Variants in LRBA observed in about 807,000 individuals in gnomAD.
The protein encoded by LRBA is lipopolysaccharide-responsive and beige-like anchor protein.
LRBA carries 176 observed loss-of-function variants against 330.0 expected under a neutral mutation model. The ratio of observed to expected loss-of-function variants is 0.53; its 90% CI spans 0.47 to 0.60. LRBA has a LOEUF of 0.60. Ranked by LOEUF, LRBA falls within the 20% of genes least tolerant of loss-of-function variation. The pLI is 0.00. For synonymous variants in LRBA, 1,230 were observed against 1,193.0 expected (o/e 1.03, Z -0.64); for missense variants, 3,259 against 3,444.8 (o/e 0.95, Z 1.35).
intron 2 of LRBA, chr4:150,970,522 CTT>C (rs1491371540): frequency 6.8e-5 from 4 of 58,758 alleles, no homozygotes; most frequent in Admixed American, 2.4e-4. Context: ...ATAATATATA[CTT>C]GTGTGTGTGT....
chr4:150,747,594 T>C (rs150880326), intron 35 of LRBA, among the ~76,000 whole-genome samples: 210 of 152,336 alleles, frequency 1.4e-3, no homozygotes, highest in African/African-American at 4.8e-3. Flanking sequence ...TGGAAAGTTA[T>C]AGGACTATAT....
intron 47 of LRBA, among the ~76,000 whole-genome samples, chr4:150,398,488 C>A (rs1362799658): frequency 6.6e-6 from 1 of 151,832 alleles, no homozygotes; most frequent in Admixed American, 6.6e-5. Context: ...TGGTATAAAA[C>A]GATTCATAGG....
chr4:150,489,287 A>ATATATAATATATTATATATAT lies in LRBA; in HGVS notation c.6449-1454_6449-1453insATATATATAATATATTATATA, dbSNP rs1561250553. On this transcript the variant is annotated intron_variant, in intron 41 of 56. Transcript: ENST00000651943. ...AAGAATATATAATATATTATATATA[A>ATATATAATATATTATATATAT]GAATATATAATATATTATATATAAG... Among the ~76,000 whole-genome samples, 41 of 57,166 alleles carry ATATATAATATATTATATATAT rather than the reference A, an allele frequency of 7.2e-4. 7 individuals are homozygous for ATATATAATATATTATATATAT. In the East Asian group the frequency reaches 0.019, roughly 27 times the overall value. The allele number at this position is 57,166 out of a possible 152,430, so 37.5% of individuals were successfully genotyped here. A position where few individuals can be genotyped will look rare whatever the true frequency, so the allele number is the denominator to read the frequency against.
At chr4:150,406,316 G>A (rs1746187103) in intron 47 of LRBA, among the ~76,000 whole-genome samples, 1 of 152,076 alleles carries the variant, frequency 6.6e-6, no homozygotes, top group Non-Finnish European at 1.5e-5. Context: ...TCTGGATTAT[G>A]CTATTGGATG....
intron 2 of LRBA, among the ~76,000 whole-genome samples, chr4:150,944,238 C>T (rs1046373172): frequency 3.3e-5 from 5 of 152,196 alleles, no homozygotes; most frequent in African/African-American, 1.2e-4. Flanking sequence ...CACAGCAATA[C>T]ATAACTAGTA....
At chr4:150,697,932 T>A (rs1320171812) in intron 36 of LRBA, among the ~76,000 whole-genome samples, 1 of 152,152 alleles carries the variant, frequency 6.6e-6, no homozygotes, top group Non-Finnish European at 1.5e-5. Context: ...CTCAGCTCTT[T>A]GTGGATTACT....
chr4:150,994,388 A>T (rs1229757898), intron 2 of LRBA, among the ~76,000 whole-genome samples: 1 of 152,208 alleles, frequency 6.6e-6, no homozygotes, highest in Non-Finnish European at 1.5e-5. Context: ...TTACTGTGAA[A>T]ATTAAAAGAG....
chr4:150,267,630 G>C (rs1580840505), intron 56 of LRBA, among the ~76,000 whole-genome samples: 1 of 152,026 alleles, frequency 6.6e-6, no homozygotes, highest in South Asian at 2.1e-4. Flanking sequence ...CAAAACCCCA[G>C]GCTAGGCAGA....
intron 2 of LRBA, among the ~76,000 whole-genome samples, chr4:150,943,988 C>G (rs1193847249): frequency 1.3e-5 from 2 of 152,158 alleles, no homozygotes; most frequent in African/African-American, 4.8e-5. Context: ...AGGAACAGTC[C>G]TCCAGCCAGC....
intron 40 of LRBA, among the ~76,000 whole-genome samples, chr4:150,558,237 C>T (rs531050714): frequency 3.4e-4 from 52 of 152,178 alleles, no homozygotes; most frequent in African/African-American, 1.2e-3. Flanking sequence ...CTAAGCAGAG[C>T]CCACACTTAG....
At chr4:150,983,282 A>T (rs1741058600) in intron 2 of LRBA, among the ~76,000 whole-genome samples, 1 of 151,756 alleles carries the variant, frequency 6.6e-6, no homozygotes, top group Non-Finnish European at 1.5e-5. Context: ...CATGGCAAAA[A>T]CCATCTCTAC....
At chr4:150,791,803 T>C (rs937392705) in intron 34 of LRBA, among the ~76,000 whole-genome samples, 5 of 151,810 alleles carry the variant, frequency 3.3e-5, no homozygotes, top group African/African-American at 9.7e-5. Flanking sequence ...CCGAGGCAGG[T>C]GGATCACGAG....
intron 48 of LRBA, among the ~76,000 whole-genome samples, chr4:150,333,489 C>A (rs1367119592): frequency 1.3e-5 from 2 of 151,634 alleles, no homozygotes; most frequent in Non-Finnish European, 3.0e-5. Context: ...CTGTAAGATT[C>A]TAATCCACCT....
At chr4:150,451,282 A>G (rs762139616) in intron 44 of LRBA, among the ~76,000 whole-genome samples, 2 of 152,196 alleles carry the variant, frequency 1.3e-5, no homozygotes, top group Non-Finnish European at 2.9e-5. Context: ...TGGAACATTA[A>G]TCAAGGTAGA....
At chr4:150,444,851 T>C (rs935060152) in intron 44 of LRBA, among the ~76,000 whole-genome samples, 1 of 152,212 alleles carries the variant, frequency 6.6e-6, no homozygotes, top group African/African-American at 2.4e-5. Flanking sequence ...CTGATAGATT[T>C]ACTAGTGATG....
intron 49 of LRBA, among the ~76,000 whole-genome samples, chr4:150,323,902 A>G (rs548828910): frequency 1.3e-5 from 2 of 152,360 alleles, no homozygotes; most frequent in South Asian, 4.1e-4. Context: ...GGGTACAAGT[A>G]GGAAATTGCT....
intron 40 of LRBA, among the ~76,000 whole-genome samples, chr4:150,495,418 G>A (rs1023483255): frequency 2.0e-5 from 3 of 151,996 alleles, no homozygotes; most frequent in African/African-American, 7.2e-5. Flanking sequence ...ATTTAAAATT[G>A]TCAAAGGTGT....
intron 36 of LRBA, among the ~76,000 whole-genome samples, chr4:150,725,538 C>T (rs952503540): frequency 3.3e-5 from 5 of 152,102 alleles, no homozygotes; most frequent in Non-Finnish European, 2.9e-5. Context: ...GTCAAACAAA[C>T]GCTAAAGGAT....
intron 50 of LRBA, among the ~76,000 whole-genome samples, chr4:150,319,938 A>G (rs774607190): frequency 6.6e-6 from 1 of 152,212 alleles, no homozygotes; most frequent in East Asian, 1.9e-4. Context: ...CTTTATGCAC[A>G]CTTCAGAGAT....
Sources: gnomAD v4.1 joint callset for allele counts (sites outside exome capture counted in the v4.1 genomes callset) on GRCh38, gnomAD v4.1.1 for gene constraint, MANE v1.5 for transcripts, NCBI Gene and HGNC (gene_info 2026-07-23, HGNC 2026-07-21) for gene names.